Variants in OCA2 observed in about 807,000 individuals in gnomAD.
OCA2 encodes the protein OCA2 melanosomal transmembrane protein.
A neutral mutation model predicts 100.2 loss-of-function variants in OCA2; 77 were observed. The ratio of observed to expected loss-of-function variants is 0.77; its 90% CI spans 0.64 to 0.93. OCA2 has a LOEUF of 0.93. Among genes scored for constraint, OCA2 ranks in the 40% least tolerant of loss-of-function variants. OCA2 has a pLI of 0.00. For missense variants in OCA2, 1,062 were observed against 1,089.1 expected (o/e 0.98, Z 0.35); for synonymous variants, 432 against 439.2 (o/e 0.98, Z 0.21).
chr15:27,954,573 G>A (rs1191769067), intron 17 of OCA2, among the ~76,000 whole-genome samples: 1 of 152,100 alleles, frequency 6.6e-6, no homozygotes, highest in African/African-American at 2.4e-5. Flanking sequence ...AAACTGCATG[G>A]ATCTGAAATG....
At chr15:28,010,341 C>G (rs2042206695) in intron 9 of OCA2, among the ~76,000 whole-genome samples, 3 of 152,160 alleles carry the variant, frequency 2.0e-5, no homozygotes, top group Admixed American at 1.3e-4. Context: ...GCCAGTCTTA[C>G]CATTCCCATT....
chr15:27,871,045 G>T, intron 21 of OCA2, 109 bp downstream of exon 21: 1 of 836,900 alleles, frequency 1.2e-6, no homozygotes, highest in Non-Finnish European at 2.0e-6. Flanking sequence ...ACACCTGTGA[G>T]TGCAGCAGAG....
At chr15:27,999,829 T>A (rs958763445) in intron 9 of OCA2, among the ~76,000 whole-genome samples, 1 of 152,092 alleles carries the variant, frequency 6.6e-6, no homozygotes, top group African/African-American at 2.4e-5. Context: ...ATGCTAACAA[T>A]GTACTATCCG....
chr15:28,035,592 A>C (rs1473128629), intron 2 of OCA2, among the ~76,000 whole-genome samples: 6 of 152,248 alleles, frequency 3.9e-5, no homozygotes, highest in Non-Finnish European at 7.3e-5. Context: ...GACTTCAATA[A>C]GGTAGAAAAT....
At chr15:28,086,921 A>G (rs941128935) in intron 1 of OCA2, among the ~76,000 whole-genome samples, 1 of 152,202 alleles carries the variant, frequency 6.6e-6, no homozygotes, top group African/African-American at 2.4e-5. Context: ...ATTTATCAGA[A>G]CCTCAGAGAC....
chr15:28,088,036 T>C (rs749841628), intron 1 of OCA2, among the ~76,000 whole-genome samples: 4 of 151,556 alleles, frequency 2.6e-5, no homozygotes, highest in Non-Finnish European at 5.9e-5. Flanking sequence ...CACTCCAGCC[T>C]GGGCAGCGAA....
intron 18 of OCA2, among the ~76,000 whole-genome samples, chr15:27,932,698 T>G (rs1475598526): frequency 6.6e-6 from 1 of 152,140 alleles, no homozygotes; most frequent in African/African-American, 2.4e-5. Context: ...TTTGTTTGCT[T>G]TTAGCTCCTG....
At chr15:27,930,343 C>T (rs1035956210) in intron 18 of OCA2, among the ~76,000 whole-genome samples, 10 of 152,234 alleles carry the variant, frequency 6.6e-5, no homozygotes, top group Non-Finnish European at 1.3e-4. Flanking sequence ...TATGCTACCA[C>T]ATGGATGAAT....
intron 21 of OCA2, among the ~76,000 whole-genome samples, chr15:27,860,313 TTA>T (rs2151446636): frequency 6.6e-6 from 1 of 152,264 alleles, no homozygotes; most frequent in Admixed American, 6.5e-5. Flanking sequence ...TCAATTTATT[TTA>T]GAGTCAGGGG....
the OCA2 span, among the ~76,000 whole-genome samples, chr15:27,733,168 G>A: frequency 2.0e-5 from 3 of 152,196 alleles, no homozygotes; most frequent in Non-Finnish European, 4.4e-5. Context: ...GGTTCATCTA[G>A]ACTTTCAAGA....
intron 19 of OCA2, among the ~76,000 whole-genome samples, chr15:27,875,635 C>A (rs947028498): frequency 9.2e-5 from 14 of 152,030 alleles, no homozygotes; most frequent in African/African-American, 3.1e-4. Flanking sequence ...GTCTTCTTAT[C>A]TATGGACAGA....
At chr15:28,012,607 C>T (rs1249495867) in intron 9 of OCA2, among the ~76,000 whole-genome samples, 1 of 152,072 alleles carries the variant, frequency 6.6e-6, no homozygotes, top group Non-Finnish European at 1.5e-5. Context: ...AAGTACAGGA[C>T]TTTTAAAATC....
chr15:27,796,063 G>C (rs147249835), intron 23 of OCA2, among the ~76,000 whole-genome samples: 1 of 152,208 alleles, frequency 6.6e-6, no homozygotes, highest in African/African-American at 2.4e-5. Context: ...GCCTGGTTAC[G>C]TACTCCCAGA....
intron 19 of OCA2, among the ~76,000 whole-genome samples, chr15:27,895,305 G>C (rs147641900): frequency 6.6e-6 from 1 of 152,148 alleles, no homozygotes; most frequent in Admixed American, 6.5e-5. Context: ...GCAGAATGGG[G>C]CATTGCTGAA....
intron 19 of OCA2, among the ~76,000 whole-genome samples, chr15:27,902,346 A>G (rs2037982644): frequency 6.6e-6 from 1 of 152,276 alleles, no homozygotes; most frequent in Middle Eastern, 3.4e-3. Context: ...GATTTGATTT[A>G]CTCAACAAAT....
At chr15:27,853,592 AAAG>A (rs944560309) in intron 21 of OCA2, among the ~76,000 whole-genome samples, 1 of 151,964 alleles carries the variant, frequency 6.6e-6, no homozygotes, top group African/African-American at 2.4e-5. Context: ...AAAAAAAAAA[AAAG>A]AAATTTGTGT....
chr15:27,872,072 A>G (rs2036601967), intron 19 of OCA2, 150 bp from the exon 20 acceptor site: 2 of 670,146 alleles, frequency 3.0e-6, no homozygotes, highest in Non-Finnish European at 5.3e-6. Flanking sequence ...TACACAGTCT[A>G]TAAATAATTT....
chr15:27,767,052 C>T (rs531389581), intron 23 of OCA2, among the ~76,000 whole-genome samples: 1 of 152,070 alleles, frequency 6.6e-6, no homozygotes, highest in East Asian at 2.0e-4. Context: ...AGTTGGGCTA[C>T]ATGGCTTCTC....
At chr15:28,087,836 T>C (rs1358848154) in intron 1 of OCA2, among the ~76,000 whole-genome samples, 3 of 152,044 alleles carry the variant, frequency 2.0e-5, no homozygotes, top group African/African-American at 7.2e-5. Flanking sequence ...CCGAGGTGGG[T>C]GGATCACCTG....
Sources: gnomAD v4.1 joint callset for allele counts (sites outside exome capture counted in the v4.1 genomes callset) on GRCh38, gnomAD v4.1.1 for gene constraint, MANE v1.5 for transcripts, NCBI Gene and HGNC (gene_info 2026-07-23, HGNC 2026-07-21) for gene names.